The following APP variants were observed in gnomAD, a reference collection of about 807,000 sequenced individuals.
APP encodes the protein amyloid beta precursor protein, also known as amyloid-beta precursor protein.
APP carries 31 observed loss-of-function variants against 101.4 expected under a neutral mutation model. The ratio of observed to expected loss-of-function variants is 0.31; its 90% CI spans 0.23 to 0.41. The LOEUF (loss-of-function observed/expected upper bound fraction) is 0.41. APP is among the 10% of genes least tolerant of loss of function. The pLI is 1.00. For synonymous variants in APP, 366 were observed against 364.4 expected (o/e 1.00, Z -0.05); for missense variants, 839 against 1,003.7 (o/e 0.84, Z 2.22).
At chr21:25,945,777 A>AC in intron 13 of APP, 1 of 408,208 alleles carries the variant, frequency 2.4e-6, no homozygotes, top group South Asian at 1.8e-5. Context: ...AGCCTCAGCC[A>AC]CCCCAGGCTC....
intron 3 of APP, among the ~76,000 whole-genome samples, chr21:26,057,950 G>A (rs2046108478): frequency 6.6e-6 from 1 of 152,180 alleles, no homozygotes; most frequent in African/African-American, 2.4e-5. Context: ...AAGCCATATA[G>A]AACAGCTGGG....
intron 11 of APP, among the ~76,000 whole-genome samples, chr21:25,963,497 C>A (rs895733442): frequency 6.6e-6 from 1 of 152,186 alleles, no homozygotes; most frequent in African/African-American, 2.4e-5. Flanking sequence ...GTACGGGAAT[C>A]ACCCCAACCT....
At chr21:26,069,806 T>TTC (rs1345226064) in intron 3 of APP, among the ~76,000 whole-genome samples, 3 of 152,162 alleles carry the variant, frequency 2.0e-5, no homozygotes, top group Non-Finnish European at 4.4e-5. Context: ...AAAAGCAAAC[T>TTC]TGTATCTTAA....
At chr21:25,986,947 C>T (rs2042662536) in intron 8 of APP, among the ~76,000 whole-genome samples, 1 of 152,166 alleles carries the variant, frequency 6.6e-6, no homozygotes, top group Admixed American at 6.5e-5. Context: ...TCCCTAAACA[C>T]ACACAAATAA....
chr21:26,170,831 G>T (rs1340533768), upstream of APP: 7 of 507,362 alleles, frequency 1.4e-5, no homozygotes, highest in Non-Finnish European at 2.3e-5. Context: ...GGCCCACCCC[G>T]CTCGGCACCC....
chr21:25,999,461 G>A lies in APP; in HGVS notation c.1033+554C>T, dbSNP rs375679937. The stretch of plus-strand genomic sequence containing the variant: ...GGCAAGACGGGCACTTCTACCCTCC[G>A]GCATTTGAGATGCATGAGCTCAATT... On this transcript the variant is annotated intron_variant, in intron 7 of 17. Coordinates refer to ENST00000346798, the MANE Select transcript of APP (RefSeq NM_000484.4). 6.6e-5 allele frequency among the ~76,000 whole-genome samples: 10 copies of A among 152,160 alleles called. No homozygotes were observed. In the East Asian group the frequency reaches 7.7e-4, roughly 12 times the overall value.
intron 2 of APP, among the ~76,000 whole-genome samples, chr21:26,103,090 A>C (rs1037249704): frequency 1.3e-5 from 2 of 152,112 alleles, no homozygotes; most frequent in African/African-American, 4.8e-5. Context: ...AACTACCCTA[A>C]ACACTAAACA....
At chr21:26,073,137 T>C (rs866610915) in intron 3 of APP, among the ~76,000 whole-genome samples, 2 of 152,160 alleles carry the variant, frequency 1.3e-5, no homozygotes, top group African/African-American at 4.8e-5. Flanking sequence ...TCCTAGCAAG[T>C]ATGTGTTGTG....
chr21:26,115,692 T>C (rs1278202107), intron 1 of APP, among the ~76,000 whole-genome samples: 1 of 152,190 alleles, frequency 6.6e-6, no homozygotes, highest in Non-Finnish European at 1.5e-5. Flanking sequence ...GATCTGTTAA[T>C]ATGGACACTC....
chr21:26,011,604 T>G (rs1349981449), intron 6 of APP, among the ~76,000 whole-genome samples: 1 of 152,032 alleles, frequency 6.6e-6, no homozygotes, highest in Non-Finnish European at 1.5e-5. Flanking sequence ...TCAATAGTAC[T>G]AAGGTCCAGA....
rs192621765 is a variant in APP, at chr21:25,911,320, A to T, written c.1909+421T>A. Among the ~76,000 whole-genome samples the T allele has an allele frequency of 3.9e-5, 6 of 152,372 alleles. No individual in the cohort carries two copies. The East Asian group carries it at 9.6e-4, about 24-fold the overall frequency. Reference sequence around the variant, plus strand: ...TTCCTTGTGAAGAACTGCCTCTTCAATAATACACTGTGGCTCCCCTTCGTC... The same window carrying T: ...TTCCTTGTGAAGAACTGCCTCTTCATTAATACACTGTGGCTCCCCTTCGTC... On this transcript the variant is annotated intron_variant, in intron 14 of 17. Coordinates refer to ENST00000346798, the MANE Select transcript of APP (RefSeq NM_000484.4).
At position 26,170,579 on chromosome 21, in the gene APP, C is replaced by T. The variant is rs751156099; in HGVS notation, c.42G>A (p.Thr14=). 6 of 1,538,798 alleles carry T rather than the reference C, an allele frequency of 3.9e-6. No homozygotes were observed. In the Admixed American group the frequency reaches 9.8e-5, roughly 25 times the overall value. Residue 14 remains threonine, a synonymous_variant, in exon 1 of 18, where the codon ACG becomes ACA. Transcript: ENST00000346798. ...CGGCACCCACCTCCAGCGCCCGAGC[C>T]GTCCAGGCGGCCAGCAGGAGCAGTG... The part of the protein sequence containing the change: ...GLALLLLAAW[T]ARALEVPTDG...
At chr21:25,899,442 G>A (rs1483810479) in intron 15 of APP, among the ~76,000 whole-genome samples, 1 of 152,186 alleles carries the variant, frequency 6.6e-6, no homozygotes, top group Non-Finnish European at 1.5e-5. Flanking sequence ...TGACTTCTGA[G>A]ACTGGGCCAA....
chr21:26,062,202 T>C (rs2046291913), intron 3 of APP, among the ~76,000 whole-genome samples: 1 of 144,174 alleles, frequency 6.9e-6, no homozygotes. Context: ...AGAGCGAGAC[T>C]CTGTCTCAAA....
intron 1 of APP, among the ~76,000 whole-genome samples, chr21:26,125,561 G>C (rs553112436): frequency 5.9e-5 from 9 of 152,208 alleles, no homozygotes; most frequent in Non-Finnish European, 8.8e-5. Flanking sequence ...TAAATTTCAA[G>C]GATGAGCACA....
chr21:25,999,996 CGA>C lies in APP; in HGVS notation c.1033+17_1033+18del. 1 of 1,613,430 alleles carries C rather than the reference CGA, an allele frequency of 6.2e-7. No homozygotes were observed. Among genetic ancestry groups the C allele is most frequent in the Non-Finnish European group, 8.5e-7 (1 of 1,179,670 alleles). The stretch of plus-strand genomic sequence containing the variant: ...GAGAGAGACGAAAGGTGGCCAGGCT[CGA>C]AGAAGGGTCCACTTACTGGCGCTGC... On this transcript the variant is annotated intron_variant, in intron 7 of 17. Coordinates refer to ENST00000346798, the MANE Select transcript of APP (RefSeq NM_000484.4).
At chr21:25,966,503 T>A (rs2041802442) in intron 11 of APP, among the ~76,000 whole-genome samples, 1 of 152,226 alleles carries the variant, frequency 6.6e-6, no homozygotes. Context: ...ATTAGCTTCA[T>A]AAAATTTTGG....
intron 13 of APP, among the ~76,000 whole-genome samples, chr21:25,917,097 C>T (rs911219541): frequency 6.6e-6 from 1 of 152,130 alleles, no homozygotes; most frequent in African/African-American, 2.4e-5. Context: ...CCCGTCTCTA[C>T]TAAAAATACA....
intron 13 of APP, among the ~76,000 whole-genome samples, chr21:25,952,064 T>C (rs189798121): frequency 5.3e-5 from 8 of 152,240 alleles, no homozygotes; most frequent in African/African-American, 1.9e-4. Flanking sequence ...GCACCCAGGA[T>C]TCCAAATGAA....
Sources: gnomAD v4.1 joint callset for allele counts (sites outside exome capture counted in the v4.1 genomes callset) on GRCh38, gnomAD v4.1.1 for gene constraint, MANE v1.5 for transcripts, NCBI Gene and HGNC (gene_info 2026-07-23, HGNC 2026-07-21) for gene names.